Variants in AKAP19 observed in about 807,000 individuals in gnomAD.
The protein encoded by AKAP19 is small A-kinase anchoring protein.
At chr2:189,992,006 A>C in the AKAP19 span, among the ~76,000 whole-genome samples, 1 of 151,440 alleles carries the variant, frequency 6.6e-6, no homozygotes, top group African/African-American at 2.4e-5. Flanking sequence ...CAATTGGCTG[A>C]GTCTATAAAA....
the AKAP19 span, among the ~76,000 whole-genome samples, chr2:190,149,082 GCCT>G: frequency 4.2e-4 from 64 of 151,148 alleles, no homozygotes; most frequent in Admixed American, 1.5e-3. Context: ...TCCTGCCTCA[GCCT>G]CCTGAGTAGC....
the AKAP19 span, among the ~76,000 whole-genome samples, chr2:189,888,364 T>C: frequency 6.6e-6 from 1 of 152,334 alleles, no homozygotes; most frequent in East Asian, 1.9e-4. Flanking sequence ...CCTTGTAGTA[T>C]AGTTTGAAGT....
At chr2:190,102,636 A>G in the AKAP19 span, among the ~76,000 whole-genome samples, 1 of 152,168 alleles carries the variant, frequency 6.6e-6, no homozygotes. Context: ...TTGAATTAGA[A>G]AGAAATTGAA....
chr2:189,954,525 A>G, the AKAP19 span, among the ~76,000 whole-genome samples: 2 of 152,252 alleles, frequency 1.3e-5, no homozygotes, highest in East Asian at 3.8e-4. Context: ...GGAGTCATTT[A>G]TATCCTACTG....
the AKAP19 span, among the ~76,000 whole-genome samples, chr2:189,922,532 C>T: frequency 6.6e-6 from 1 of 152,202 alleles, no homozygotes; most frequent in Non-Finnish European, 1.5e-5. Flanking sequence ...CAAAAATTTG[C>T]TTGTAACCCC....
the AKAP19 span, among the ~76,000 whole-genome samples, chr2:190,022,296 AG>A: frequency 3.3e-5 from 5 of 152,296 alleles, no homozygotes; most frequent in African/African-American, 4.8e-5. Context: ...GATATGCAAA[AG>A]ATCATATACG....
At chr2:189,988,008 G>C in the AKAP19 span, among the ~76,000 whole-genome samples, 11 of 152,076 alleles carry the variant, frequency 7.2e-5, no homozygotes, top group Non-Finnish European at 1.6e-4. Flanking sequence ...GATGGGGGTG[G>C]TGGCGGGGGG....
chr2:190,111,601 C>T, the AKAP19 span, among the ~76,000 whole-genome samples: 8 of 152,166 alleles, frequency 5.3e-5, no homozygotes, highest in East Asian at 1.2e-3. Context: ...GCCTAGGTTA[C>T]CATTTAAGGC....
the AKAP19 span, among the ~76,000 whole-genome samples, chr2:189,913,263 T>C: frequency 7.0e-4 from 107 of 152,242 alleles, no homozygotes; most frequent in Middle Eastern, 3.4e-3. Flanking sequence ...CCAAGTTCTG[T>C]AATTAAAAGT....
the AKAP19 span, among the ~76,000 whole-genome samples, chr2:190,132,729 G>GT: frequency 2.3e-4 from 35 of 151,838 alleles, no homozygotes; most frequent in African/African-American, 3.9e-4. Context: ...TTTGGGGGAT[G>GT]TTTTTTTTGG....
At chr2:189,930,375 G>A in the AKAP19 span, 6 of 415,916 alleles carry the variant, frequency 1.4e-5, no homozygotes, top group Non-Finnish European at 2.6e-5. Flanking sequence ...AGATGTACAT[G>A]CACGGTAGAA....
chr2:190,019,718 A>G, the AKAP19 span, among the ~76,000 whole-genome samples: 3 of 151,854 alleles, frequency 2.0e-5, no homozygotes, highest in African/African-American at 7.3e-5. Context: ...ACAACTGGAT[A>G]TTTGCCTCTA....
At chr2:190,061,097 T>C in the AKAP19 span, among the ~76,000 whole-genome samples, 1 of 152,060 alleles carries the variant, frequency 6.6e-6, no homozygotes, top group Admixed American at 6.6e-5. Context: ...AACAATTTCT[T>C]TTATTTTGGT....
At chr2:190,018,657 T>G in the AKAP19 span, among the ~76,000 whole-genome samples, 47 of 152,340 alleles carry the variant, frequency 3.1e-4, no homozygotes, top group African/African-American at 1.1e-3. Flanking sequence ...AGGGTCTATT[T>G]TGGGGGCTTT....
At chr2:190,164,540 ATAAG>A in the AKAP19 span, among the ~76,000 whole-genome samples, 23 of 152,304 alleles carry the variant, frequency 1.5e-4, no homozygotes, top group South Asian at 2.1e-3. Context: ...AAATAAATAA[ATAAG>A]TAAGTTAATT....
the AKAP19 span, among the ~76,000 whole-genome samples, chr2:189,893,664 G>A: frequency 1.3e-5 from 2 of 152,116 alleles, no homozygotes; most frequent in South Asian, 2.1e-4. Flanking sequence ...GTTCCTGTTC[G>A]GCCATCGTGC....
At chr2:189,922,276 C>T in the AKAP19 span, among the ~76,000 whole-genome samples, 1 of 152,082 alleles carries the variant, frequency 6.6e-6, no homozygotes, top group Non-Finnish European at 1.5e-5. Flanking sequence ...TTTGCTGTGG[C>T]TGGTCATTGA....
At chr2:190,150,181 T>C in the AKAP19 span, 2,167 of 152,328 alleles carry the variant, frequency 0.014, 28 homozygotes, top group Middle Eastern at 0.031. Context: ...CTCTTCCCCC[T>C]CTGTGGAGTC....
the AKAP19 span, among the ~76,000 whole-genome samples, chr2:190,136,001 TA>T: frequency 3.9e-5 from 6 of 152,154 alleles, no homozygotes; most frequent in South Asian, 1.2e-3. Flanking sequence ...ACAAAAGCAT[TA>T]GGGGCATTCC....
Sources: allele counts gnomAD v4.1 joint callset (sites outside exome capture counted in the v4.1 genomes callset), GRCh38; gene constraint gnomAD v4.1.1; transcripts MANE v1.5; gene names NCBI Gene and HGNC (gene_info 2026-07-23, HGNC 2026-07-21).